Variants in DIAPH3 observed in about 807,000 individuals in gnomAD.
The protein encoded by DIAPH3 is protein diaphanous homolog 3.
DIAPH3 carries 117 observed loss-of-function variants against 144.3 expected under a neutral mutation model. The observed-to-expected ratio is 0.81, with a 90% CI of 0.70 to 0.95. The LOEUF (loss-of-function observed/expected upper bound fraction) is 0.95, where lower values mean the gene tolerates loss of function less well. DIAPH3 is among the 40% of genes least tolerant of loss of function. The probability of loss-of-function intolerance (pLI) is 0.00; values close to 1 mark genes in which losing one functional copy is unlikely to be tolerated. For synonymous variants in DIAPH3, 519 were observed against 488.9 expected, an observed-to-expected ratio of 1.06 and a Z score of -0.81; for missense variants, 1,421 against 1,412.7, an observed-to-expected ratio of 1.01 and a Z score of -0.09.
intron 27 of DIAPH3, among the ~76,000 whole-genome samples, chr13:59,713,287 G>A (rs868519499): frequency 1.3e-5 from 2 of 150,434 alleles, no homozygotes; most frequent in Non-Finnish European, 2.9e-5. Context: ...CCCCAGGCCC[G>A]TCTTAAGCAA....
chr13:59,731,004 C>G (rs1316262798), intron 27 of DIAPH3, among the ~76,000 whole-genome samples: 3 of 152,120 alleles, frequency 2.0e-5, no homozygotes, highest in African/African-American at 7.2e-5. Context: ...TTGTCAACAT[C>G]ACTCTTCTAC....
intron 27 of DIAPH3, among the ~76,000 whole-genome samples, chr13:59,699,000 A>G (rs1367851376): frequency 6.6e-6 from 1 of 152,246 alleles, no homozygotes; most frequent in African/African-American, 2.4e-5. Flanking sequence ...TATTAATTCA[A>G]CAGATACTGA....
intron 4 of DIAPH3, among the ~76,000 whole-genome samples, chr13:60,055,444 T>C (rs780592118): frequency 1.1e-4 from 17 of 152,062 alleles, no homozygotes; most frequent in Non-Finnish European, 1.9e-4. Context: ...AATGCAATAC[T>C]CCAGTGTTAT....
At position 59,833,122 on chromosome 13, in the gene DIAPH3, G is replaced by C; in HGVS notation, c.3012C>G (p.Phe1004Leu). The part of the protein sequence containing the change: ...VEDFLTDLNN[F>L]RTTFMQAIKE... ...TTTACCATACCATGAATGTGGTTCTGAAGTTATTCAGGTCAGTAAGAAAGT... is the reference window on the plus strand; with the variant it reads ...TTTACCATACCATGAATGTGGTTCTCAAGTTATTCAGGTCAGTAAGAAAGT... The change falls in exon 24 of 28, where the codon TTC becomes TTG. Residue 1004 changes from phenylalanine to leucine, a missense_variant. By Grantham distance (22) the Phe-to-Leu change is conservative. Transcript: ENST00000400324. 6.2e-7 allele frequency: 1 copy of C among 1,609,556 alleles called. No homozygotes were observed. The highest frequency in any genetic ancestry group is 8.5e-7 in the Non-Finnish European group (1 of 1,177,554).
In DIAPH3 at chr13:59,970,033, T is replaced by C. The variant is rs1485696370; in HGVS notation, c.1985A>G (p.Asn662Ser). The C allele has an allele frequency of 5.0e-6, 8 of 1,603,082 alleles. No individual in the cohort carries two copies. The highest frequency in any genetic ancestry group is 4.0e-5 in the African/African-American group (3 of 74,740). The change falls in exon 17 of 28, where the codon AAC (asparagine) becomes AGC (serine). Residue 662 changes from asparagine to serine, a missense_variant. Asn to Ser is a conservative substitution (Grantham distance 46). Transcript: ENST00000400324. ...TTCATTTACTTTTATCCAGAAACAG[T>C]TTTCAGTCATTTCATGAGGTCTGAT... ...LKIRPHEMTE[N>S]CFWIKVNENK...
At chr13:60,146,698 AC>A (rs1381133136) in intron 1 of DIAPH3, among the ~76,000 whole-genome samples, 1 of 152,220 alleles carries the variant, frequency 6.6e-6, no homozygotes, top group African/African-American at 2.4e-5. Flanking sequence ...AAATCCTCCA[AC>A]AATGCCAAAG....
In DIAPH3 at chr13:59,706,112, T is replaced by C. The variant is rs550390624; in HGVS notation, c.3320-39266A>G. Among the ~76,000 whole-genome samples the C allele has an allele frequency of 2.0e-5, 3 of 152,252 alleles. No individual in the cohort carries two copies. In the South Asian group the frequency reaches 6.2e-4, roughly 32 times the overall value. The stretch of plus-strand genomic sequence containing the variant: ...AATAACTTATTCACATCCTCCTGTA[T>C]ACTTTAAATCACCTCTAGATTTACT... On this transcript the variant is annotated intron_variant, in intron 27 of 27. Transcript: ENST00000400324.
chr13:59,827,250 A>G (rs1375666346), intron 24 of DIAPH3, among the ~76,000 whole-genome samples: 2 of 152,116 alleles, frequency 1.3e-5, no homozygotes, highest in Non-Finnish European at 2.9e-5. Flanking sequence ...CAGGCAACCT[A>G]CAAAATGAGA....
At chr13:59,811,843 T>TA (rs746021179) in intron 24 of DIAPH3, among the ~76,000 whole-genome samples, 2 of 151,604 alleles carry the variant, frequency 1.3e-5, no homozygotes, top group Non-Finnish European at 2.9e-5. Flanking sequence ...TCTCAATAGA[T>TA]ATGTGATTAT....
chr13:59,781,427 G>A (rs2038730925), intron 25 of DIAPH3, among the ~76,000 whole-genome samples: 1 of 152,114 alleles, frequency 6.6e-6, no homozygotes, highest in South Asian at 2.1e-4. Context: ...AAAACAAGAG[G>A]GGTAGAATAG....
intron 19 of DIAPH3, among the ~76,000 whole-genome samples, chr13:59,915,725 A>G (rs932923644): frequency 3.3e-5 from 5 of 152,100 alleles, no homozygotes; most frequent in African/African-American, 9.6e-5. Context: ...AGGAGCCCAA[A>G]TGACTCTAAG....
At chr13:60,148,991 G>A (rs1027638758) in intron 1 of DIAPH3, among the ~76,000 whole-genome samples, 5 of 152,148 alleles carry the variant, frequency 3.3e-5, no homozygotes, top group Admixed American at 1.3e-4. Context: ...AAAATTTACC[G>A]AATAAATGAA....
chr13:59,727,889 G>A (rs1367458027), intron 27 of DIAPH3, among the ~76,000 whole-genome samples: 1 of 152,074 alleles, frequency 6.6e-6, no homozygotes, highest in Non-Finnish European at 1.5e-5. Context: ...CATTAAAGAA[G>A]GTGAGTGTGG....
At chr13:60,104,585 C>T (rs1455076084) in intron 3 of DIAPH3, among the ~76,000 whole-genome samples, 4 of 151,800 alleles carry the variant, frequency 2.6e-5, no homozygotes, top group Non-Finnish European at 4.4e-5. Context: ...CACACACACA[C>T]ACACACACAC....
At chr13:59,967,912 A>G (rs1426513063) in intron 17 of DIAPH3, among the ~76,000 whole-genome samples, 1 of 152,174 alleles carries the variant, frequency 6.6e-6, no homozygotes, top group Non-Finnish European at 1.5e-5. Flanking sequence ...GTCACAGAAA[A>G]AAAAGAAAGC....
intron 12 of DIAPH3, among the ~76,000 whole-genome samples, chr13:59,988,456 G>A (rs1039149349): frequency 2.6e-5 from 4 of 151,738 alleles, no homozygotes; most frequent in Admixed American, 6.6e-5. Flanking sequence ...CATAATTTTA[G>A]TAAGTTTTTC....
At chr13:60,129,715 T>TGTGTATGTTGTAAGGGGGCAAACTTCA (rs2059089940) in intron 2 of DIAPH3, among the ~76,000 whole-genome samples, 2 of 152,166 alleles carry the variant, frequency 1.3e-5, no homozygotes, top group African/African-American at 4.8e-5. Flanking sequence ...ATACATGCAA[T>TGTGTATGTTGTAAGGGGGCAAACTTCA]GTGTATGTTG....
At chr13:59,863,238 C>G (rs1037754364) in intron 21 of DIAPH3, among the ~76,000 whole-genome samples, 1 of 151,720 alleles carries the variant, frequency 6.6e-6, no homozygotes, top group Non-Finnish European at 1.5e-5. Flanking sequence ...GGTAGCATTC[C>G]CTACCATTAA....
intron 4 of DIAPH3, among the ~76,000 whole-genome samples, chr13:60,089,046 CAT>C (rs971518834): frequency 9.9e-5 from 15 of 152,168 alleles, no homozygotes; most frequent in South Asian, 4.2e-4. Context: ...TAAATTAATC[CAT>C]AGTCTCCCAT....
Sources: gnomAD v4.1 joint callset for allele counts (sites outside exome capture counted in the v4.1 genomes callset) on GRCh38, gnomAD v4.1.1 for gene constraint, MANE v1.5 for transcripts, NCBI Gene and HGNC (gene_info 2026-07-23, HGNC 2026-07-21) for gene names.